Variants in MSTO1 observed in about 807,000 individuals in gnomAD.
MSTO1 encodes misato mitochondrial distribution and morphology regulator 1.
MSTO1 carries 24 observed loss-of-function variants against 55.7 expected under a neutral mutation model. The ratio of observed to expected loss-of-function variants is 0.43; its 90% CI spans 0.31 to 0.61. The LOEUF is 0.61. Ranked by LOEUF, MSTO1 falls within the 20% of genes least tolerant of loss-of-function variation. The pLI is 0.09. For missense variants in MSTO1, 363 were observed against 625.7 expected (o/e 0.58, Z 4.48); for synonymous variants, 162 against 252.8 (o/e 0.64, Z 3.41).
chr1:155,614,569 C>T lies in MSTO1; in HGVS notation c.*296C>T, dbSNP rs1675208360. The T allele has an allele frequency of 6.4e-6, 4 of 623,450 alleles. No individual in the cohort carries two copies. Among genetic ancestry groups the T allele is most frequent in the Non-Finnish European group, 1.2e-5 (4 of 340,878 alleles). The allele number at this position is 623,450 out of a possible 1,614,324, so 38.6% of individuals were successfully genotyped here. On this transcript the variant is annotated 3_prime_UTR_variant, in exon 14 of 14. Transcript: ENST00000245564. ...AGGATGGCAGAGCCCCTGGGTCCTA[C>T]TCCATCCTCCAGCCTTTGTCCTTGT...
At chr1:155,603,631 G>T in the MSTO1 span, among the ~76,000 whole-genome samples, 1 of 152,046 alleles carries the variant, frequency 6.6e-6, no homozygotes, top group African/African-American at 2.4e-5. Flanking sequence ...GCCAAGGCAG[G>T]TGGATCACCA....
At chr1:155,594,336 G>A in the MSTO1 span, among the ~76,000 whole-genome samples, 1 of 152,042 alleles carries the variant, frequency 6.6e-6, no homozygotes, top group South Asian at 2.1e-4. Context: ...GGGAGAGGGA[G>A]GTTGCAGTGA....
At chr1:155,587,657 T>A in the MSTO1 span, among the ~76,000 whole-genome samples, 1 of 142,972 alleles carries the variant, frequency 7.0e-6, no homozygotes, top group Non-Finnish European at 1.5e-5. Flanking sequence ...GGCAGGAGAA[T>A]GGCGTGAACC....
the MSTO1 span, among the ~76,000 whole-genome samples, chr1:155,592,987 C>G: frequency 4.1e-4 from 63 of 152,276 alleles, 3 homozygotes; most frequent in East Asian, 0.012. Flanking sequence ...TCTTGGCTCA[C>G]TGCAACCTCC....
At chr1:155,593,835 G>C in the MSTO1 span, among the ~76,000 whole-genome samples, 1 of 152,126 alleles carries the variant, frequency 6.6e-6, no homozygotes, top group African/African-American at 2.4e-5. Context: ...CGGGTGTGGT[G>C]GCAGGCGCCT....
At chr1:155,591,345 G>C in the MSTO1 span, 1 of 1,060,398 alleles carries the variant, frequency 9.4e-7, no homozygotes, top group Non-Finnish European at 1.4e-6. Flanking sequence ...CCATCACGGT[G>C]ATCTTCTAGA....
At chr1:155,598,616 G>A in the MSTO1 span, among the ~76,000 whole-genome samples, 1 of 152,094 alleles carries the variant, frequency 6.6e-6, no homozygotes, top group African/African-American at 2.4e-5. Context: ...CAGCTACTTG[G>A]GAGGCTGAGG....
chr1:155,573,184 G>A, the MSTO1 span, among the ~76,000 whole-genome samples: 4 of 152,128 alleles, frequency 2.6e-5, no homozygotes, highest in African/African-American at 9.7e-5. Context: ...ATAAGCTGGG[G>A]AGCTTTAAAA....
rs1225525208 is a variant in MSTO1 at position 155,614,522 on chromosome 1, T to G, written c.*249T>G. The G allele has an allele frequency of 1.6e-6, 1 of 630,272 alleles. No homozygotes were observed. The highest frequency in any genetic ancestry group is 2.8e-6 in the Non-Finnish European group (1 of 351,850). The allele number at this position is 630,272 out of a possible 1,614,324, so 39.0% of individuals were successfully genotyped here. A position where few individuals can be genotyped will look rare whatever the true frequency, so the allele number is the denominator to read the frequency against. ...ACAGAGGACATCTGTAAAGTCTTCATAAAAGACCTTGAATGATGCCTAGGA... is the reference window on the plus strand; with the variant it reads ...ACAGAGGACATCTGTAAAGTCTTCAGAAAAGACCTTGAATGATGCCTAGGA... On this transcript the variant is annotated 3_prime_UTR_variant, in exon 14 of 14. Coordinates refer to ENST00000245564, the MANE Select transcript of MSTO1 (RefSeq NM_018116.4).
chr1:155,588,618 A>C, the MSTO1 span, among the ~76,000 whole-genome samples: 76 of 152,292 alleles, frequency 5.0e-4, 1 homozygote, highest in African/African-American at 1.5e-3. Context: ...TGTGGCCTAA[A>C]CACTGTGCTC....
the MSTO1 span, among the ~76,000 whole-genome samples, chr1:155,567,598 CCTAAT>C: frequency 6.6e-6 from 1 of 151,864 alleles, no homozygotes; most frequent in Non-Finnish European, 1.5e-5. Flanking sequence ...CCGCGCCCGG[CCTAAT>C]TTTTGTATTT....
At chr1:155,603,203 A>G in the MSTO1 span, among the ~76,000 whole-genome samples, 9 of 152,032 alleles carry the variant, frequency 5.9e-5, no homozygotes, top group Admixed American at 1.3e-4. Flanking sequence ...CATCTCTACT[A>G]AAAATACAAA....
the MSTO1 span, among the ~76,000 whole-genome samples, chr1:155,574,505 T>A: frequency 6.6e-6 from 1 of 152,220 alleles, no homozygotes; most frequent in Non-Finnish European, 1.5e-5. Context: ...GAAAGCTGAA[T>A]GAAGAGTGTA....
chr1:155,570,455 A>T, the MSTO1 span, among the ~76,000 whole-genome samples: 1 of 152,122 alleles, frequency 6.6e-6, no homozygotes, highest in African/African-American at 2.4e-5. Flanking sequence ...CATCAGCATG[A>T]CTCAGTGATT....
At chr1:155,584,470 C>G in the MSTO1 span, among the ~76,000 whole-genome samples, 1 of 151,754 alleles carries the variant, frequency 6.6e-6, no homozygotes, top group African/African-American at 2.4e-5. Flanking sequence ...AGTTCAAGAC[C>G]AGCCTGGGCA....
chr1:155,609,924 A>C (rs1478717245), upstream of MSTO1: 1 of 381,204 alleles, frequency 2.6e-6, no homozygotes, highest in Non-Finnish European at 4.8e-6. Context: ...CAAGACAAGT[A>C]GGAAGCAGAG....
chr1:155,574,576 G>A, the MSTO1 span, among the ~76,000 whole-genome samples: 1 of 152,032 alleles, frequency 6.6e-6, no homozygotes, highest in Non-Finnish European at 1.5e-5. Context: ...TTGTTTGTTT[G>A]CTTGCTTTCA....
chr1:155,593,321 GAGA>G, the MSTO1 span, among the ~76,000 whole-genome samples: 1 of 152,224 alleles, frequency 6.6e-6, no homozygotes, highest in East Asian at 1.9e-4. Flanking sequence ...TAAGTACTCA[GAGA>G]AGGAGATACG....
the MSTO1 span, among the ~76,000 whole-genome samples, chr1:155,594,231 G>A: frequency 1.3e-5 from 2 of 151,392 alleles, no homozygotes; most frequent in African/African-American, 4.9e-5. Flanking sequence ...ATGAAACCCC[G>A]TCTCTACTAA....
Sources: allele counts gnomAD v4.1 joint callset (sites outside exome capture counted in the v4.1 genomes callset), GRCh38; gene constraint gnomAD v4.1.1; transcripts MANE v1.5; gene names NCBI Gene and HGNC (gene_info 2026-07-23, HGNC 2026-07-21).